Variants in PELI2 observed in about 807,000 individuals in gnomAD.
The protein encoded by PELI2 is E3 ubiquitin-protein ligase pellino homolog 2.
PELI2 carries 23 observed loss-of-function variants against 42.3 expected under a neutral mutation model. That is an observed-to-expected ratio of 0.54 (90% confidence interval 0.39 to 0.77). PELI2 has a LOEUF of 0.77. PELI2 is among the 30% of genes least tolerant of loss of function. The probability of loss-of-function intolerance (pLI) is 0.00; values close to 1 mark genes in which losing one functional copy is unlikely to be tolerated. For synonymous variants in PELI2, 245 were observed against 212.2 expected, an observed-to-expected ratio of 1.15 and a Z score of -1.34; for missense variants, 463 against 553.2, an observed-to-expected ratio of 0.84 and a Z score of 1.64.
intron 1 of PELI2, among the ~76,000 whole-genome samples, chr14:56,170,289 C>T (rs1012720821): frequency 5.9e-5 from 9 of 152,172 alleles, no homozygotes; most frequent in African/African-American, 2.2e-4. Flanking sequence ...ATGTGGATGT[C>T]GCTGTAAGAG....
chr14:56,222,699 C>G (rs1192929199), intron 2 of PELI2, among the ~76,000 whole-genome samples: 5 of 152,254 alleles, frequency 3.3e-5, no homozygotes, highest in African/African-American at 1.2e-4. Flanking sequence ...AGGATGCCCT[C>G]TCTGGGCAGA....
intron 2 of PELI2, among the ~76,000 whole-genome samples, chr14:56,228,079 A>T (rs537988569): frequency 6.6e-6 from 1 of 152,342 alleles, no homozygotes; most frequent in East Asian, 1.9e-4. Context: ...TGCTTTAATA[A>T]TTTTATCTGA....
chr14:56,178,586 C>T, intron 2 of PELI2, 122 bp downstream of exon 2: 1 of 1,102,642 alleles, frequency 9.1e-7, no homozygotes, highest in South Asian at 1.4e-5. Context: ...CCATTTGAGG[C>T]TGGATAATGC....
At chr14:56,174,584 G>A (rs765721855) in intron 1 of PELI2, among the ~76,000 whole-genome samples, 1 of 152,160 alleles carries the variant, frequency 6.6e-6, no homozygotes, top group East Asian at 1.9e-4. Context: ...TGCTGTTCTC[G>A]TGATAGTGAA....
At chr14:56,166,568 A>G (rs1272933942) in intron 1 of PELI2, among the ~76,000 whole-genome samples, 1 of 152,090 alleles carries the variant, frequency 6.6e-6, no homozygotes, top group Non-Finnish European at 1.5e-5. Context: ...TATTGATGAA[A>G]TTTCTCAGCT....
At chr14:56,293,805 C>A (rs1889912650) in intron 5 of PELI2, among the ~76,000 whole-genome samples, 1 of 152,160 alleles carries the variant, frequency 6.6e-6, no homozygotes, top group African/African-American at 2.4e-5. Flanking sequence ...AACCATACAC[C>A]CCAGATTTAT....
chr14:56,118,723 G>A lies in PELI2; in HGVS notation c.63G>A (p.Glu21=), dbSNP rs117942237. ...ATAAGGAGCCAGTGAAATACGGGGAGCTGGTGGTGCTCGGGTGAGTCCTGG... is the reference window on the plus strand; with the variant it reads ...ATAAGGAGCCAGTGAAATACGGGGAACTGGTGGTGCTCGGGTGAGTCCTGG... ...APNKEPVKYG[E]LVVLGYNGAL... The change falls in exon 1 of 6, where the codon GAG becomes GAA. Residue 21 remains glutamate (E), a synonymous_variant. Transcript: ENST00000267460. 2.6e-6 allele frequency: 4 copies of A among 1,528,208 alleles called. No individual in the cohort carries two copies. The East Asian group carries it at 1.1e-4, about 41-fold the overall frequency. The allele number at this position is 1,528,208 out of a possible 1,614,324, so 94.7% of individuals were successfully genotyped here.
chr14:56,188,114 T>C (rs1885832824), intron 2 of PELI2, among the ~76,000 whole-genome samples: 1 of 152,216 alleles, frequency 6.6e-6, no homozygotes, highest in Non-Finnish European at 1.5e-5. Context: ...ACTCCTAGAA[T>C]GCCTCTTGTA....
At chr14:56,241,040 T>A (rs1429897855) in intron 2 of PELI2, among the ~76,000 whole-genome samples, 1 of 152,108 alleles carries the variant, frequency 6.6e-6, no homozygotes, top group Non-Finnish European at 1.5e-5. Flanking sequence ...CTTGACAGTC[T>A]CCCCTTGCTT....
chr14:56,170,705 A>C (rs766460263), intron 1 of PELI2, among the ~76,000 whole-genome samples: 10 of 152,234 alleles, frequency 6.6e-5, no homozygotes, highest in Non-Finnish European at 1.3e-4. Context: ...ATGTGAATTA[A>C]TATATGAACT....
intron 1 of PELI2, among the ~76,000 whole-genome samples, chr14:56,140,277 A>T (rs1260839634): frequency 6.6e-6 from 1 of 152,172 alleles, no homozygotes; most frequent in Non-Finnish European, 1.5e-5. Context: ...AACACAAGCA[A>T]ATTCCTTCTA....
At chr14:56,150,398 T>C (rs1422504421) in intron 1 of PELI2, among the ~76,000 whole-genome samples, 1 of 152,244 alleles carries the variant, frequency 6.6e-6, no homozygotes, top group Non-Finnish European at 1.5e-5. Flanking sequence ...GATCCCATTT[T>C]CTATTAGCCA....
intron 2 of PELI2, among the ~76,000 whole-genome samples, chr14:56,242,617 G>T (rs1421811496): frequency 6.6e-6 from 1 of 152,198 alleles, no homozygotes; most frequent in Non-Finnish European, 1.5e-5. Flanking sequence ...CCATCAGTCA[G>T]TGAGTGGATA....
At chr14:56,155,172 G>A (rs1884506452) in intron 1 of PELI2, among the ~76,000 whole-genome samples, 1 of 150,680 alleles carries the variant, frequency 6.6e-6, no homozygotes, top group South Asian at 2.1e-4. Flanking sequence ...TGTTGGATGT[G>A]TAATTTTATA....
chr14:56,254,867 G>A (rs1348098078), intron 2 of PELI2, among the ~76,000 whole-genome samples: 1 of 152,190 alleles, frequency 6.6e-6, no homozygotes, highest in African/African-American at 2.4e-5. Flanking sequence ...CATTTATGCA[G>A]CCAACAAATA....
Position 56,235,489 on chromosome 14 carries a change from T to C in PELI2, c.208-44187T>C, listed in dbSNP as rs77823388. On this transcript the variant is annotated intron_variant, in intron 2 of 5. Coordinates refer to ENST00000267460, the MANE Select transcript of PELI2 (RefSeq NM_021255.3). ...CTTCTACGCTAACGGGTGGCATCTT[T>C]CTTTGTTGCTCAGGTCACCTTTTAG... Among the ~76,000 whole-genome samples, 751 of 152,310 alleles carry C rather than the reference T, an allele frequency of 4.9e-3. 3 individuals are homozygous for C. The highest frequency in any genetic ancestry group is 0.017 in the African/African-American group (714 of 41,570).
intron 1 of PELI2, among the ~76,000 whole-genome samples, chr14:56,151,331 C>A (rs1884344187): frequency 6.6e-6 from 1 of 152,204 alleles, no homozygotes; most frequent in Non-Finnish European, 1.5e-5. Context: ...CATTTTTGAT[C>A]CTCACTTATC....
At chr14:56,275,058 G>T (rs938007934) in intron 2 of PELI2, among the ~76,000 whole-genome samples, 4 of 61,950 alleles carry the variant, frequency 6.5e-5, no homozygotes, top group African/African-American at 3.2e-4. Flanking sequence ...ATCTGTAGCA[G>T]TTCATTCGTT....
intron 1 of PELI2, among the ~76,000 whole-genome samples, chr14:56,160,975 C>G (rs1462349695): frequency 6.6e-6 from 1 of 152,032 alleles, no homozygotes; most frequent in Non-Finnish European, 1.5e-5. Flanking sequence ...TTTATTGGGC[C>G]CCTCCTCTGT....
Sources: gnomAD v4.1 joint callset for allele counts (sites outside exome capture counted in the v4.1 genomes callset) on GRCh38, gnomAD v4.1.1 for gene constraint, MANE v1.5 for transcripts, NCBI Gene and HGNC (gene_info 2026-07-23, HGNC 2026-07-21) for gene names.